Variants in ZNRF2 observed in about 807,000 individuals in gnomAD.
ZNRF2 encodes E3 ubiquitin-protein ligase ZNRF2.
Under a neutral mutation model 20.4 loss-of-function variants are expected in ZNRF2, and 16 were observed. The ratio of observed to expected loss-of-function variants is 0.79; its 90% CI spans 0.53 to 1.19. ZNRF2 has a LOEUF of 1.19. Ranked by LOEUF, ZNRF2 falls within the 50% of genes most tolerant of loss-of-function variation. The probability of loss-of-function intolerance (pLI) is 0.00; values close to 1 mark genes in which losing one functional copy is unlikely to be tolerated. For missense variants in ZNRF2, 363 were observed against 332.4 expected, an observed-to-expected ratio of 1.09 and a Z score of -0.72; for synonymous variants, 178 against 144.9, an observed-to-expected ratio of 1.23 and a Z score of -1.64.
intron 1 of ZNRF2, among the ~76,000 whole-genome samples, chr7:30,301,212 G>C (rs1385365818): frequency 1.3e-5 from 2 of 152,200 alleles, no homozygotes; most frequent in Non-Finnish European, 1.5e-5. Context: ...GCCAGGTGCC[G>C]TGGCTCAAGC....
At chr7:30,300,491 A>G (rs957505556) in intron 1 of ZNRF2, among the ~76,000 whole-genome samples, 2 of 152,186 alleles carry the variant, frequency 1.3e-5, no homozygotes, top group Non-Finnish European at 2.9e-5. Flanking sequence ...GTGAGGCCTG[A>G]GTATGTGGTT....
chr7:30,315,621 T>G (rs1583577280), intron 1 of ZNRF2, among the ~76,000 whole-genome samples: 1 of 151,210 alleles, frequency 6.6e-6, no homozygotes. Context: ...GTAACTCTTT[T>G]TGGACAACAC....
At chr7:30,288,354 T>G (rs1195179832) in intron 1 of ZNRF2, among the ~76,000 whole-genome samples, 1 of 152,222 alleles carries the variant, frequency 6.6e-6, no homozygotes, top group Non-Finnish European at 1.5e-5. Flanking sequence ...AATTGTTGTT[T>G]ATATTATTAA....
At chr7:30,302,991 A>G (rs920889148) in intron 1 of ZNRF2, among the ~76,000 whole-genome samples, 3 of 152,170 alleles carry the variant, frequency 2.0e-5, no homozygotes, top group African/African-American at 7.2e-5. Flanking sequence ...TGTAATAAAG[A>G]AGTCTAAGGC....
chr7:30,347,561 G>GA (rs200798204), intron 2 of ZNRF2, among the ~76,000 whole-genome samples: 60 of 150,920 alleles, frequency 4.0e-4, no homozygotes, highest in African/African-American at 9.0e-4. Context: ...CAATTAAAAA[G>GA]AAAAAAAAAT....
intron 2 of ZNRF2, among the ~76,000 whole-genome samples, chr7:30,339,449 G>T (rs1347215970): frequency 6.6e-6 from 1 of 152,126 alleles, no homozygotes; most frequent in African/African-American, 2.4e-5. Context: ...TTTATATAAG[G>T]TGTAAGGAAG....
chr7:30,338,526 T>G (rs1799751513), intron 2 of ZNRF2, among the ~76,000 whole-genome samples: 2 of 149,924 alleles, frequency 1.3e-5, no homozygotes, highest in Non-Finnish European at 3.0e-5. Flanking sequence ...ACATGTGGTG[T>G]TTGGTTTTCT....
chr7:30,363,491 G>A (rs1201881030), intron 4 of ZNRF2, among the ~76,000 whole-genome samples: 3 of 152,122 alleles, frequency 2.0e-5, no homozygotes, highest in Non-Finnish European at 4.4e-5. Context: ...TCCAAAGACT[G>A]TTCTTAGCAA....
chr7:30,355,785 A>C lies in ZNRF2; in HGVS notation c.623A>C (p.Gln208Pro). The C allele has an allele frequency of 6.2e-7, 1 of 1,613,690 alleles. No homozygotes were observed. The highest frequency in any genetic ancestry group is 1.1e-5 in the South Asian group (1 of 91,026). Residue 208 changes from glutamine to proline, a missense_variant, in exon 3 of 5, where the codon CAG becomes CCG. Gln to Pro is a moderately conservative substitution (Grantham distance 76). Coordinates refer to ENST00000323037, the MANE Select transcript of ZNRF2 (RefSeq NM_147128.4). ...ECAICLEELQQGDTIARLPCL... is the reference protein window; with the variant it reads ...ECAICLEELQPGDTIARLPCL... Reference sequence around the variant, plus strand: ...GCAATATGCCTTGAAGAATTGCAGCAGGGAGATACTATAGCACGACTGCCT... The same window carrying C: ...GCAATATGCCTTGAAGAATTGCAGCCGGGAGATACTATAGCACGACTGCCT...
intron 2 of ZNRF2, among the ~76,000 whole-genome samples, chr7:30,343,838 A>G (rs1417340736): frequency 3.6e-5 from 5 of 137,680 alleles, no homozygotes; most frequent in Admixed American, 7.3e-5. Flanking sequence ...ATTTCTTAAT[A>G]TGGTCAGTGC....
intron 1 of ZNRF2, among the ~76,000 whole-genome samples, chr7:30,302,250 G>A (rs1326715890): frequency 6.6e-6 from 1 of 152,138 alleles, no homozygotes; most frequent in African/African-American, 2.4e-5. Context: ...AGCTGCACAT[G>A]GCTTAAATGT....
At chr7:30,321,817 C>T (rs1312830658) in intron 1 of ZNRF2, among the ~76,000 whole-genome samples, 2 of 152,090 alleles carry the variant, frequency 1.3e-5, no homozygotes, top group Non-Finnish European at 2.9e-5. Flanking sequence ...TGCTTTCTCC[C>T]CATGGTTGAT....
rs200354227 is a variant in ZNRF2, at chr7:30,285,839, C to T, written c.469+13C>T. On this transcript the variant is annotated intron_variant, in intron 1 of 4. Transcript: ENST00000323037. ...CACATGTTTGGAGGTACGGACCCCTCTCCGCGCACCCGCGCTCGGTCCTCC... is the reference window on the plus strand; with the variant it reads ...CACATGTTTGGAGGTACGGACCCCTTTCCGCGCACCCGCGCTCGGTCCTCC... 1 of 1,488,612 alleles carries T rather than the reference C, an allele frequency of 6.7e-7. No homozygotes were observed. Among genetic ancestry groups the T allele is most frequent in the South Asian group, 1.4e-5 (1 of 73,914 alleles). 92.2% of individuals were successfully genotyped at this position (1,488,612 alleles called of 1,614,324 possible). A position where few individuals can be genotyped will look rare whatever the true frequency, so the allele number is the denominator to read the frequency against.
At chr7:30,330,204 G>T (rs551367697) in intron 2 of ZNRF2, among the ~76,000 whole-genome samples, 274 of 152,248 alleles carry the variant, frequency 1.8e-3, no homozygotes, top group Non-Finnish European at 3.2e-3. Flanking sequence ...CTATGTTTGT[G>T]CATGTGTACT....
At chr7:30,341,614 T>A (rs950972898) in intron 2 of ZNRF2, among the ~76,000 whole-genome samples, 2 of 152,174 alleles carry the variant, frequency 1.3e-5, no homozygotes, top group African/African-American at 4.8e-5. Context: ...TTCTTTTGCA[T>A]TTGCTGAGGA....
intron 1 of ZNRF2, among the ~76,000 whole-genome samples, chr7:30,310,213 C>G (rs1399195525): frequency 6.6e-6 from 1 of 152,238 alleles, no homozygotes; most frequent in African/African-American, 2.4e-5. Context: ...AGTGGTAACA[C>G]TGGCCTGACT....
chr7:30,285,934 C>G (rs1798779365), intron 1 of ZNRF2, 108 bp downstream of exon 1: 4 of 1,327,368 alleles, frequency 3.0e-6, no homozygotes, highest in Non-Finnish European at 3.8e-6. Context: ...GCCGGGGCGC[C>G]GGGGGCTGCC....
intron 1 of ZNRF2, among the ~76,000 whole-genome samples, chr7:30,291,379 T>G (rs1798907814): frequency 6.6e-6 from 1 of 152,242 alleles, no homozygotes; most frequent in Non-Finnish European, 1.5e-5. Flanking sequence ...CCTTCTCTAG[T>G]GGTGCAGACT....
rs1429196772 is a variant in ZNRF2, at chr7:30,285,439, A to G, written c.82A>G (p.Ser28Gly). 13 of 1,188,996 alleles carry G rather than the reference A, an allele frequency of 1.1e-5. No homozygotes were observed. Among genetic ancestry groups the G allele is most frequent in the South Asian group, 1.9e-5 (1 of 53,288 alleles). 73.7% of individuals were successfully genotyped at this position (1,188,996 alleles called of 1,614,324 possible). The change falls in exon 1 of 5, where the codon AGC becomes GGC. Residue 28 changes from serine to glycine, a missense_variant. This residue lies in a region of ZNRF2 where 302 missense variants were observed against 231.5 expected (regional missense o/e 1.30). Coordinates refer to ENST00000323037, the MANE Select transcript of ZNRF2 (RefSeq NM_147128.4). The stretch of plus-strand genomic sequence containing the variant: ...GGGCTCGGATCTACCTTCCAGTAGC[A>G]GCGGAGGCGCCAATGGGACCGCGGG... Reference protein sequence around the residue: ...YSGSDLPSSSSGGANGTAGGG... With the variant: ...YSGSDLPSSSGGGANGTAGGG...
Sources: allele counts gnomAD v4.1 joint callset (sites outside exome capture counted in the v4.1 genomes callset), GRCh38; gene constraint gnomAD v4.1.1; regional missense constraint gnomAD v4.1.1; transcripts MANE v1.5; gene names NCBI Gene and HGNC (gene_info 2026-07-23, HGNC 2026-07-21).